The following PTK2 variants were observed in gnomAD, a reference collection of about 807,000 sequenced individuals.
The protein encoded by PTK2 is focal adhesion kinase 1.
Under a neutral mutation model 150.1 loss-of-function variants are expected in PTK2, and 45 were observed. That is an observed-to-expected ratio of 0.30 (90% CI 0.24 to 0.38). PTK2 has a LOEUF of 0.38. PTK2 is among the 10% of genes least tolerant of loss of function. PTK2 has a pLI of 1.00. For synonymous variants in PTK2, 432 were observed against 449.2 expected, an observed-to-expected ratio of 0.96 and a Z score of 0.48; for missense variants, 919 against 1,307.3, an observed-to-expected ratio of 0.70 and a Z score of 4.58.
At chr8:140,887,629 A>C (rs2100152781) in intron 3 of PTK2, among the ~76,000 whole-genome samples, 1 of 152,198 alleles carries the variant, frequency 6.6e-6, no homozygotes, top group South Asian at 2.1e-4. Flanking sequence ...TTTCTACAGA[A>C]CACCACTGTC....
At chr8:140,957,634 T>G (rs1204951711) in intron 1 of PTK2, among the ~76,000 whole-genome samples, 1 of 152,146 alleles carries the variant, frequency 6.6e-6, no homozygotes, top group Admixed American at 6.5e-5. Flanking sequence ...CAAGCTCCAT[T>G]CCATTCATGC....
At chr8:140,767,638 G>A (rs1036029854) in intron 14 of PTK2, among the ~76,000 whole-genome samples, 2 of 151,924 alleles carry the variant, frequency 1.3e-5, no homozygotes, top group South Asian at 2.1e-4. Context: ...GGCACGCGCC[G>A]CCATGCCTGC....
chr8:140,984,632 C>G (rs992783531), intron 1 of PTK2, among the ~76,000 whole-genome samples: 1 of 152,130 alleles, frequency 6.6e-6, no homozygotes, highest in Non-Finnish European at 1.5e-5. Context: ...GAGCTTTCAT[C>G]TCTTCTGCTT....
chr8:140,815,235 A>G (rs1353423986), intron 10 of PTK2, among the ~76,000 whole-genome samples: 2 of 152,108 alleles, frequency 1.3e-5, no homozygotes, highest in Non-Finnish European at 1.5e-5. Flanking sequence ...AAAAAAAAAA[A>G]GAATGAGATC....
chr8:140,976,223 T>C (rs2154609789), intron 1 of PTK2, among the ~76,000 whole-genome samples: 1 of 152,348 alleles, frequency 6.6e-6, no homozygotes, highest in East Asian at 1.9e-4. Flanking sequence ...TTAAACAGAC[T>C]ACACAACTAC....
At chr8:140,700,983 A>G in exon 26 of PTK2, 1 of 1,614,088 alleles carries the variant, frequency 6.2e-7, no homozygotes, top group East Asian at 2.2e-5. Context: ...TGGGTTGGCA[A>G]CACTTGCCCA....
At chr8:140,757,161 C>T (rs1788367790) in intron 16 of PTK2, among the ~76,000 whole-genome samples, 1 of 152,056 alleles carries the variant, frequency 6.6e-6, no homozygotes, top group Non-Finnish European at 1.5e-5. Flanking sequence ...GAATGCTTAC[C>T]TATCAGGAAT....
chr8:140,967,907 T>G (rs901835189), intron 1 of PTK2, among the ~76,000 whole-genome samples: 4 of 152,246 alleles, frequency 2.6e-5, no homozygotes, highest in African/African-American at 9.6e-5. Context: ...AGCTGCAACC[T>G]ATATTCTGAA....
chr8:140,852,067 A>G (rs1230358424), intron 5 of PTK2, among the ~76,000 whole-genome samples: 1 of 152,122 alleles, frequency 6.6e-6, no homozygotes, highest in Non-Finnish European at 1.5e-5. Context: ...CTTCTAATAA[A>G]TCTCATCTAA....
At chr8:140,840,002 T>A (rs1409059610) in intron 7 of PTK2, among the ~76,000 whole-genome samples, 1 of 152,072 alleles carries the variant, frequency 6.6e-6, no homozygotes, top group Non-Finnish European at 1.5e-5. Context: ...AAAAAAACAA[T>A]GAGCAGAACA....
chr8:140,804,733 G>C (rs1413105622), intron 10 of PTK2, among the ~76,000 whole-genome samples: 2 of 152,200 alleles, frequency 1.3e-5, no homozygotes, highest in Admixed American at 1.3e-4. Flanking sequence ...GAATTGTTCA[G>C]AAAGAGGTTC....
At chr8:140,841,556 T>C (rs2100122377) in intron 7 of PTK2, among the ~76,000 whole-genome samples, 1 of 152,040 alleles carries the variant, frequency 6.6e-6, no homozygotes, top group Non-Finnish European at 1.5e-5. Flanking sequence ...AAAAATCGGA[T>C]CTTAAAACTC....
chr8:140,936,119 C>T (rs1456267970), intron 1 of PTK2, among the ~76,000 whole-genome samples: 1 of 152,132 alleles, frequency 6.6e-6, no homozygotes, highest in Non-Finnish European at 1.5e-5. Flanking sequence ...TATGATAGTG[C>T]TATTGCCCTC....
chr8:140,857,148 T>C (rs2100133178), intron 5 of PTK2, among the ~76,000 whole-genome samples: 1 of 152,208 alleles, frequency 6.6e-6, no homozygotes, highest in Non-Finnish European at 1.5e-5. Context: ...GACGCCAGTT[T>C]AAGTCTCCAC....
intron 1 of PTK2, among the ~76,000 whole-genome samples, chr8:140,968,862 C>A (rs183913658): frequency 6.6e-6 from 1 of 152,278 alleles, no homozygotes; most frequent in Admixed American, 6.5e-5. Flanking sequence ...AAGCCAAATT[C>A]AAGAAATAAT....
intron 8 of PTK2, 42 bp downstream of exon 8, chr8:140,830,430 A>G: frequency 7.5e-7 from 1 of 1,332,488 alleles, no homozygotes; most frequent in Non-Finnish European, 1.0e-6. Context: ...AGGTCTTGGC[A>G]TAATTTTGTT....
chr8:140,808,721 A>ATT (rs1213783806), intron 10 of PTK2, among the ~76,000 whole-genome samples: 2 of 147,346 alleles, frequency 1.4e-5, no homozygotes, highest in Non-Finnish European at 3.0e-5. Flanking sequence ...TAAAAATAAA[A>ATT]TTTTTGTTCT....
chr8:140,941,881 T>C lies in PTK2; in HGVS notation c.-121-16132A>G, dbSNP rs549409404. ...CCACCACGCCCAGCTAACTTTTTGT[T>C]TGTTTGTTTGTTTGTTTGTTTTATT... On this transcript the variant is annotated intron_variant, in intron 1 of 31. Coordinates refer to ENST00000522684, the Ensembl canonical transcript of PTK2. 4.7e-5 allele frequency among the ~76,000 whole-genome samples: 7 copies of C among 148,376 alleles called. 1 individual carries two copies. Among genetic ancestry groups the C allele is most frequent in the African/African-American group, 1.7e-4 (7 of 40,244 alleles).
At chr8:140,674,363 G>T (rs778270156) in exon 29 of PTK2, 2 of 1,606,850 alleles carry the variant, frequency 1.2e-6, no homozygotes, top group Admixed American at 3.4e-5. Context: ...AGATGACCGG[G>T]AGCTCCAGGG....
Sources: allele counts gnomAD v4.1 joint callset (sites outside exome capture counted in the v4.1 genomes callset), GRCh38; gene constraint gnomAD v4.1.1; transcripts MANE v1.5; gene names NCBI Gene and HGNC (gene_info 2026-07-23, HGNC 2026-07-21).